The following CTNND1 variants were observed in gnomAD, a reference collection of about 807,000 sequenced individuals.
CTNND1 encodes catenin delta 1.
Under a neutral mutation model 112.1 loss-of-function variants are expected in CTNND1, and 16 were observed. The ratio of observed to expected loss-of-function variants is 0.14; its 90% CI spans 0.10 to 0.22. CTNND1 has a LOEUF of 0.22. CTNND1 is among the 10% of genes least tolerant of loss of function. The pLI is 1.00. For synonymous variants in CTNND1, 420 were observed against 446.5 expected, an observed-to-expected ratio of 0.94 and a Z score of 0.75; for missense variants, 1,008 against 1,257.0, an observed-to-expected ratio of 0.80 and a Z score of 3.00.
At position 57,801,862 on chromosome 11, in the gene CTNND1, T is replaced by C. The variant is rs374531326; in HGVS notation, c.1086T>C (p.Asn362=). The change falls in exon 7 of 21, where the codon AAT becomes AAC. Residue 362 remains asparagine (N), a synonymous_variant. Coordinates refer to ENST00000399050, the MANE Select transcript of CTNND1 (RefSeq NM_001085458.2). ...GCAAAGGAGGGCCTCCACCTCCTAA[T>C]TGGAGACAGCCAGAGCTGCCAGAGG... The part of the protein sequence containing the change: ...SLRKGGPPPP[N]WRQPELPEVI... 2.9e-5 allele frequency: 46 copies of C among 1,613,910 alleles called. No individual in the cohort carries two copies. The highest frequency in any genetic ancestry group is 8.0e-5 in the African/African-American group (6 of 74,924).
Position 57,805,985 on chromosome 11 carries a change from A to G in CTNND1, c.1826A>G (p.Asn609Ser), listed in dbSNP as rs751462733. ...RYQEAAPNVA[N>S]NTGPHAASCF... ...CAAGAGGCAGCTCCCAATGTTGCCA[A>G]CAATACTGGGCCACATGCTGCCAGT... The change falls in exon 10 of 21, where the codon AAC becomes AGC. Residue 609 changes from asparagine to serine, a missense_variant. Around this residue, in one of 5 missense-constraint regions of CTNND1, gnomAD observed 254 missense variants for 279.5 expected, o/e 0.91. Transcript: ENST00000399050. 2 of 1,612,678 alleles carry G rather than the reference A, an allele frequency of 1.2e-6. No homozygotes were observed. The highest frequency in any genetic ancestry group is 1.7e-6 in the Non-Finnish European group (2 of 1,179,298).
intron 1 of CTNND1, among the ~76,000 whole-genome samples, chr11:57,781,797 C>T (rs541686013): frequency 2.0e-5 from 3 of 152,240 alleles, no homozygotes; most frequent in South Asian, 2.1e-4. Flanking sequence ...CCTGTGTGTG[C>T]GTCATGCATG....
Position 57,793,994 on chromosome 11 carries a change from G to C in CTNND1, c.196-16G>C. The C allele has an allele frequency of 6.2e-7, 1 of 1,613,784 alleles. No individual in the cohort carries two copies. ...AGGCCACAAAATGAATTGTCTTCTT[G>C]TGGGCTGTGTTTCAGAACGGCCGGT... is the stretch of plus-strand genomic sequence containing the variant. On this transcript the variant is annotated splice_polypyrimidine_tract_variant and intron_variant, in intron 3 of 20. Coordinates refer to ENST00000399050, the MANE Select transcript of CTNND1 (RefSeq NM_001085458.2).
At position 57,761,946 on chromosome 11, in the gene CTNND1, G is replaced by A. The variant is rs1281325093; in HGVS notation, c.-387G>A. 1.0e-6 allele frequency: 1 copy of A among 985,332 alleles called. No individual in the cohort carries two copies. Among genetic ancestry groups the A allele is most frequent in the African/African-American group, 1.7e-5 (1 of 57,236 alleles). 61.0% of individuals were successfully genotyped at this position (985,332 alleles called of 1,614,324 possible). A position where few individuals can be genotyped will look rare whatever the true frequency, so the allele number is the denominator to read the frequency against. ...AAGATCCCGAAAGGAGGAAGAGGTG[G>A]CGAAAAATCAACTGCCCTGCTGGAT... On this transcript the variant is annotated 5_prime_UTR_variant, in exon 1 of 21. Coordinates refer to ENST00000399050, the MANE Select transcript of CTNND1 (RefSeq NM_001085458.2).
At chr11:57,781,206 G>GGATT (rs1218616735) in intron 1 of CTNND1, among the ~76,000 whole-genome samples, 4 of 152,250 alleles carry the variant, frequency 2.6e-5, no homozygotes, top group African/African-American at 9.6e-5. Context: ...CAAAGTGCTG[G>GGATT]GATTACAGGC....
At chr11:57,777,172 C>T (rs1954500828) in intron 1 of CTNND1, among the ~76,000 whole-genome samples, 1 of 152,174 alleles carries the variant, frequency 6.6e-6, no homozygotes, top group Non-Finnish European at 1.5e-5. Flanking sequence ...CTGGGCTCTG[C>T]TGCTGAAGTT....
intron 1 of CTNND1, among the ~76,000 whole-genome samples, chr11:57,775,165 C>T (rs1446970649): frequency 6.6e-6 from 1 of 151,812 alleles, no homozygotes; most frequent in Non-Finnish European, 1.5e-5. Context: ...TTGAATTAAG[C>T]TTACATGTAT....
chr11:57,812,488 C>T (rs113181809), intron 17 of CTNND1, among the ~76,000 whole-genome samples: 9 of 152,016 alleles, frequency 5.9e-5, no homozygotes, highest in Non-Finnish European at 1.5e-5. Context: ...CCACTGCATT[C>T]CAGCCAGGGC....
At position 57,796,755 on chromosome 11, in the gene CTNND1, G is replaced by A. The variant is rs769538319; in HGVS notation, c.719G>A (p.Arg240Gln). ...TCCCGGGTGACCCGCATTGAGGAGC[G>A]GTATAGGCCCAGCATGGAAGGCTAC... ...SLSRVTRIEE[R>Q]YRPSMEGYRA... is the part of the protein sequence containing the mutation. The change falls in exon 6 of 21, where the codon CGG becomes CAG. Residue 240 changes from arginine to glutamine, a missense_variant. Arg to Gln is a conservative substitution (Grantham distance 43). Around this residue, in one of 5 missense-constraint regions of CTNND1, gnomAD observed 404 missense variants for 457.9 expected, o/e 0.88. Coordinates refer to ENST00000399050, the MANE Select transcript of CTNND1 (RefSeq NM_001085458.2). 5.7e-5 allele frequency: 92 copies of A among 1,613,140 alleles called. No homozygotes were observed. The highest frequency in any genetic ancestry group is 7.3e-5 in the Non-Finnish European group (86 of 1,179,404).
At chr11:57,811,681 G>A (rs1802267525) in intron 17 of CTNND1, among the ~76,000 whole-genome samples, 195 bp downstream of exon 17, 1 of 152,218 alleles carries the variant, frequency 6.6e-6, no homozygotes, top group Admixed American at 6.5e-5. Context: ...CAGGTAATTA[G>A]CCTGAATGTG....
intron 1 of CTNND1, among the ~76,000 whole-genome samples, chr11:57,779,380 C>T (rs2059337093): frequency 6.6e-6 from 1 of 152,182 alleles, no homozygotes; most frequent in South Asian, 2.1e-4. Flanking sequence ...CTTTTCTGCC[C>T]TCTTTTCTCT....
At chr11:57,780,405 A>G (rs1591304744) in intron 1 of CTNND1, among the ~76,000 whole-genome samples, 1 of 152,252 alleles carries the variant, frequency 6.6e-6, no homozygotes, top group Non-Finnish European at 1.5e-5. Flanking sequence ...TACTCTTTCC[A>G]CTTTATCAAG....
At chr11:57,783,828 T>G (rs953895048) in intron 1 of CTNND1, among the ~76,000 whole-genome samples, 1 of 152,214 alleles carries the variant, frequency 6.6e-6, no homozygotes, top group Non-Finnish European at 1.5e-5. Flanking sequence ...CCTTTCTGGC[T>G]TGAATGTTAT....
Position 57,788,663 on chromosome 11 carries a change from T to C in CTNND1, c.-213-374T>C, listed in dbSNP as rs2060378264. 6.7e-6 allele frequency among the ~76,000 whole-genome samples: 1 copy of C among 149,816 alleles called. No individual in the cohort carries two copies. On this transcript the variant is annotated intron_variant, in intron 1 of 20. Coordinates refer to ENST00000399050, the MANE Select transcript of CTNND1 (RefSeq NM_001085458.2). The surrounding 1 kb of genome is among the most constrained non-coding windows in gnomAD (Gnocchi z 4.1). ...TGCTGGGACTGGGCTTTGAGGTTTC[T>C]GCCTTAGGGGTGGGAAGGGAGGGGG...
At chr11:57,800,641 A>G (rs183991658) in intron 6 of CTNND1, among the ~76,000 whole-genome samples, 46 of 152,300 alleles carry the variant, frequency 3.0e-4, no homozygotes, top group African/African-American at 9.9e-4. Flanking sequence ...TCACTGTTGC[A>G]TAGTTGATGT....
At chr11:57,798,831 TC>T (rs2061670242) in intron 6 of CTNND1, among the ~76,000 whole-genome samples, 1 of 152,170 alleles carries the variant, frequency 6.6e-6, no homozygotes, top group Non-Finnish European at 1.5e-5. Flanking sequence ...TTTCAAACAA[TC>T]TTTTAAAAAT....
intron 6 of CTNND1, among the ~76,000 whole-genome samples, chr11:57,799,680 C>T (rs1423509121): frequency 1.3e-5 from 2 of 152,034 alleles, no homozygotes; most frequent in Non-Finnish European, 2.9e-5. Flanking sequence ...AATCCACTGC[C>T]TTTGTATAGA....
Position 57,818,127 on chromosome 11 carries a change from G to A in CTNND1, c.*1819G>A, listed in dbSNP as rs1427164555. ...TGACCCTAAGAGCACACTGCACAGG[G>A]AAAATTGCCCCATCCAGACCTGGCT... On this transcript the variant is annotated 3_prime_UTR_variant, in exon 21 of 21. Transcript: ENST00000399050. The A allele has an allele frequency of 3.3e-5, 5 of 151,642 alleles. No individual in the cohort carries two copies. Among genetic ancestry groups the A allele is most frequent in the Non-Finnish European group, 7.4e-5 (5 of 67,964 alleles). The allele number at this position is 151,642 out of a possible 1,614,324, so 9.4% of individuals were successfully genotyped here.
intron 1 of CTNND1, among the ~76,000 whole-genome samples, chr11:57,787,112 A>T (rs2060222993): frequency 6.6e-6 from 1 of 152,362 alleles, no homozygotes; most frequent in Admixed American, 6.5e-5. Flanking sequence ...TTGCCAAGAT[A>T]GTAAATGTAA....
Sources: allele counts gnomAD v4.1 joint callset (sites outside exome capture counted in the v4.1 genomes callset), GRCh38; gene constraint gnomAD v4.1.1; regional missense constraint gnomAD v4.1.1; non-coding constraint Gnocchi (gnomAD v3.1); transcripts MANE v1.5; gene names NCBI Gene and HGNC (gene_info 2026-07-23, HGNC 2026-07-21).